Variants in RBFOX3 observed in about 807,000 individuals in gnomAD.
RBFOX3 encodes RNA binding fox-1 homolog 3.
A neutral mutation model predicts 48.7 loss-of-function variants in RBFOX3; 17 were observed. That is an observed-to-expected ratio of 0.35 (90% CI 0.24 to 0.52). The LOEUF (loss-of-function observed/expected upper bound fraction) is 0.52. Among genes scored for constraint, RBFOX3 ranks in the 20% least tolerant of loss-of-function variants. The pLI, the probability that RBFOX3 is intolerant of heterozygous loss-of-function variation, is 0.94. For missense variants in RBFOX3, 382 were observed against 497.5 expected (o/e 0.77, Z 2.21); for synonymous variants, 212 against 209.5 (o/e 1.01, Z -0.10).
At position 79,443,854 on chromosome 17, in the gene RBFOX3, G is replaced by C. The variant is rs1355167647; in HGVS notation, c.-175+38600C>G. 6.6e-6 allele frequency among the ~76,000 whole-genome samples: 1 copy of C among 152,164 alleles called. No individual in the cohort carries two copies. The highest frequency in any genetic ancestry group is 1.9e-4 in the East Asian group (1 of 5,182). On this transcript the variant is annotated intron_variant, in intron 2 of 14. Coordinates refer to ENST00000693108, the MANE Select transcript of RBFOX3 (RefSeq NM_001350451.2). This position sits in a 1 kb window ranked among gnomAD's most constrained non-coding sequence, Gnocchi z 4.4. ...TCTGGGATGATGGTGGGAGGGGCAG[G>C]CTGCAGAGAACTCAGAATGCCAACA...
Position 79,390,019 on chromosome 17 carries a change from CAGCCTCCAGGTCTCCGT to C in RBFOX3, c.-174-82212_-174-82196del, listed in dbSNP as rs571106599. The stretch of plus-strand genomic sequence containing the variant: ...GGTCTCCGCAGCCTCCAGGTCTCCG[CAGCCTCCAGGTCTCCGT>C]AGCCTCCAGGTCTCCGCAGCCGCCG... On this transcript the variant is annotated intron_variant, in intron 2 of 14. Transcript: ENST00000693108. This position sits in a 1 kb window ranked among gnomAD's most constrained non-coding sequence, Gnocchi z 4.2. Among the ~76,000 whole-genome samples, 16 of 15,832 alleles carry C rather than the reference CAGCCTCCAGGTCTCCGT, an allele frequency of 1.0e-3. 1 individual carries two copies. The South Asian group carries it at 0.014, about 14-fold the overall frequency. 10.4% of individuals were successfully genotyped at this position (15,832 alleles called of 152,430 possible).
chr17:79,115,135 C>T (rs932719012), intron 5 of RBFOX3, among the ~76,000 whole-genome samples: 1 of 152,228 alleles, frequency 6.6e-6, no homozygotes, highest in Non-Finnish European at 1.5e-5. Context: ...TAACAGGTCT[C>T]TGGCAGCGAG....
chr17:79,285,829 G>A (rs371215051), intron 3 of RBFOX3, among the ~76,000 whole-genome samples: 4 of 152,200 alleles, frequency 2.6e-5, no homozygotes, highest in East Asian at 1.9e-4. Flanking sequence ...GATTACAGGC[G>A]CCCACCATCA....
chr17:79,614,413 A>G (rs1386724433), upstream of RBFOX3, among the ~76,000 whole-genome samples: 1 of 152,206 alleles, frequency 6.6e-6, no homozygotes, highest in Non-Finnish European at 1.5e-5. Context: ...AAACCTGAAG[A>G]TAGAGCTTTG....
intron 2 of RBFOX3, among the ~76,000 whole-genome samples, chr17:79,412,778 G>A (rs1305647137): frequency 1.3e-5 from 2 of 151,550 alleles, no homozygotes; most frequent in African/African-American, 4.9e-5. Flanking sequence ...TGTCTGTGTG[G>A]TGTATGTGTG....
At chr17:79,380,203 T>A (rs1349507005) in intron 2 of RBFOX3, among the ~76,000 whole-genome samples, 1 of 111,614 alleles carries the variant, frequency 9.0e-6, no homozygotes. Context: ...TTGCCACCCC[T>A]CCCCCAGGCT....
Position 79,414,481 on chromosome 17 carries a change from G to A in RBFOX3, c.-175+67973C>T, listed in dbSNP as rs57004758. Among the ~76,000 whole-genome samples the A allele has an allele frequency of 9.7e-4, 147 of 152,274 alleles. 1 individual carries two copies. The highest frequency in any genetic ancestry group is 2.7e-3 in the African/African-American group (112 of 41,564). The stretch of plus-strand genomic sequence containing the variant: ...TTTCCATATGCAAATGCGGCGGGAC[G>A]GTGCCCCGTGTGTCCAGGCCCCAGG... On this transcript the variant is annotated intron_variant, in intron 2 of 14. Transcript: ENST00000693108.
chr17:79,429,792 T>C (rs1490109470), intron 2 of RBFOX3, among the ~76,000 whole-genome samples: 1 of 152,100 alleles, frequency 6.6e-6, no homozygotes, highest in African/African-American at 2.4e-5. Flanking sequence ...GCCAGCTGCG[T>C]TGGGCTCCAG....
intron 1 of RBFOX3, among the ~76,000 whole-genome samples, chr17:79,588,916 G>A (rs1344372334): frequency 2.8e-5 from 4 of 142,776 alleles, no homozygotes; most frequent in East Asian, 2.1e-4. Context: ...GTGAGACCCC[G>A]TCCTGCACTT....
At chr17:79,399,057 A>G (rs1192200136) in intron 2 of RBFOX3, among the ~76,000 whole-genome samples, 1 of 152,100 alleles carries the variant, frequency 6.6e-6, no homozygotes, top group African/African-American at 2.4e-5. Flanking sequence ...GCAGGGTTGG[A>G]GTGACGCGGC....
chr17:79,335,466 G>C (rs986265184), intron 2 of RBFOX3, among the ~76,000 whole-genome samples: 1 of 152,110 alleles, frequency 6.6e-6, no homozygotes, highest in Non-Finnish European at 1.5e-5. Flanking sequence ...CATCACCCTC[G>C]TCTTACAGTG....
intron 3 of RBFOX3, among the ~76,000 whole-genome samples, chr17:79,239,261 T>C (rs879610991): frequency 1.3e-5 from 2 of 152,192 alleles, no homozygotes; most frequent in Non-Finnish European, 2.9e-5. Context: ...CCCAGGTTCA[T>C]TCCCATTCCA....
chr17:79,445,670 C>T (rs1261756633), intron 2 of RBFOX3, among the ~76,000 whole-genome samples: 1 of 152,228 alleles, frequency 6.6e-6, no homozygotes, highest in Non-Finnish European at 1.5e-5. Flanking sequence ...GCCGGGGAGG[C>T]AGAAGAGTCC....
chr17:79,585,001 G>A (rs1489194003), intron 1 of RBFOX3, among the ~76,000 whole-genome samples: 2 of 151,824 alleles, frequency 1.3e-5, no homozygotes, highest in Admixed American at 6.6e-5. Context: ...TCCTGACCTC[G>A]TGATCCGCCC....
intron 2 of RBFOX3, among the ~76,000 whole-genome samples, chr17:79,394,459 C>A (rs1325016766): frequency 6.6e-6 from 1 of 152,146 alleles, no homozygotes; most frequent in Non-Finnish European, 1.5e-5. Flanking sequence ...GCTTCTATGT[C>A]CACCCTAGGC....
At chr17:79,573,212 C>A (rs1158966397) in intron 1 of RBFOX3, among the ~76,000 whole-genome samples, 1 of 152,182 alleles carries the variant, frequency 6.6e-6, no homozygotes, top group African/African-American at 2.4e-5. Context: ...AGCGCAGCAG[C>A]AGAGCCACTG....
At chr17:79,497,793 T>G (rs1785554780) in intron 1 of RBFOX3, among the ~76,000 whole-genome samples, 1 of 152,076 alleles carries the variant, frequency 6.6e-6, no homozygotes, top group Admixed American at 6.6e-5. Flanking sequence ...GCTGCTCCCC[T>G]CCCCTCTGGA....
At chr17:79,653,378 A>T in the RBFOX3 span, among the ~76,000 whole-genome samples, 1 of 152,242 alleles carries the variant, frequency 6.6e-6, no homozygotes, top group Non-Finnish European at 1.5e-5. Context: ...ATGAAAAGGC[A>T]TGTTGGAAGG....
chr17:79,364,169 G>A lies in RBFOX3; in HGVS notation c.-174-56345C>T, dbSNP rs940916787. ...GCCCCATGCCCAGAAGGCAGGCTCC[G>A]TGGGAACTGGTGTTCAGCCTTCCTC... On this transcript the variant is annotated intron_variant, in intron 2 of 14. Coordinates refer to ENST00000693108, the MANE Select transcript of RBFOX3 (RefSeq NM_001350451.2). This position sits in a 1 kb window ranked among gnomAD's most constrained non-coding sequence, Gnocchi z 5.1. Among the ~76,000 whole-genome samples the A allele has an allele frequency of 1.2e-4, 19 of 152,230 alleles. No homozygotes were observed. The highest frequency in any genetic ancestry group is 2.0e-4 in the Admixed American group (3 of 15,286).
Sources: allele counts gnomAD v4.1 joint callset (sites outside exome capture counted in the v4.1 genomes callset), GRCh38; gene constraint gnomAD v4.1.1; non-coding constraint Gnocchi (gnomAD v3.1); transcripts MANE v1.5; gene names NCBI Gene and HGNC (gene_info 2026-07-23, HGNC 2026-07-21).